Variants in PREX2 observed in about 807,000 individuals in gnomAD.
PREX2 encodes phosphatidylinositol 3,4,5-trisphosphate-dependent Rac exchanger 2 protein.
A neutral mutation model predicts 203.2 loss-of-function variants in PREX2; 107 were observed. That is an observed-to-expected ratio of 0.53 (90% CI 0.45 to 0.62). PREX2 has a LOEUF of 0.62. PREX2 is among the 20% of genes least tolerant of loss of function. The pLI is 0.00. For synonymous variants in PREX2, 672 were observed against 663.6 expected (o/e 1.01, Z -0.19); for missense variants, 1,777 against 1,955.9 (o/e 0.91, Z 1.72).
chr8:68,146,186 T>C (rs1424018584), intron 33 of PREX2, 23 bp from the exon 34 acceptor site: 2 of 1,560,658 alleles, frequency 1.3e-6, no homozygotes, highest in South Asian at 1.1e-5. Context: ...TAGGAAGTAA[T>C]ATACTATTAA....
At chr8:68,120,831 C>A in intron 29 of PREX2, 90 bp from the exon 30 acceptor site, 6 of 1,097,030 alleles carry the variant, frequency 5.5e-6, no homozygotes, top group Non-Finnish European at 7.9e-6. Flanking sequence ...TAGTCTAGGA[C>A]AACAGTGACA....
At chr8:68,153,963 T>C (rs1471375493) in intron 34 of PREX2, among the ~76,000 whole-genome samples, 1 of 152,252 alleles carries the variant, frequency 6.6e-6, no homozygotes, top group African/African-American at 2.4e-5. Flanking sequence ...TATATTAAAT[T>C]ATGTTTACAT....
chr8:67,953,078 G>C (rs1805398405), intron 1 of PREX2, among the ~76,000 whole-genome samples: 6 of 152,104 alleles, frequency 3.9e-5, no homozygotes, highest in Admixed American at 3.9e-4. Context: ...TCTGGTGTAG[G>C]GGTACAGAGA....
Position 68,027,300 on chromosome 8 carries a change from T to A in PREX2, c.520T>A (p.Cys174Ser). The stretch of plus-strand genomic sequence containing the variant: ...TTTAGTAACACCAATACAAAGAATA[T>A]GCAAGTACCCTCTTATTTTGAAGGT... ...GYLVTPIQRI[C>S]KYPLILKELL... is the part of the protein sequence containing the mutation. Residue 174 changes from cysteine to serine, a missense_variant, in exon 5 of 40, where the codon TGC becomes AGC. By Grantham distance (112) the Cys-to-Ser change is moderately radical (BLOSUM62 -1). Coordinates refer to ENST00000288368, the MANE Select transcript of PREX2 (RefSeq NM_024870.4). 6.2e-7 allele frequency: 1 copy of A among 1,603,960 alleles called. No homozygotes were observed. The highest frequency in any genetic ancestry group is 1.1e-5 in the South Asian group (1 of 90,844).
intron 35 of PREX2, among the ~76,000 whole-genome samples, chr8:68,165,785 C>T (rs1359452836): frequency 1.3e-5 from 2 of 152,004 alleles, no homozygotes; most frequent in African/African-American, 2.4e-5. Context: ...CAAAAGATCC[C>T]CAGTTTTGGC....
chr8:68,120,361 C>A, intron 29 of PREX2, 75 bp downstream of exon 29: 2 of 946,572 alleles, frequency 2.1e-6, no homozygotes, highest in Admixed American at 1.8e-5. Flanking sequence ...ATGAAGCAAG[C>A]AGATTGCATA....
At chr8:68,058,987 A>C (rs1049069639) in intron 10 of PREX2, among the ~76,000 whole-genome samples, 4 of 137,368 alleles carry the variant, frequency 2.9e-5, no homozygotes, top group Non-Finnish European at 6.5e-5. Context: ...AGAATAAAAA[A>C]AAATTAACAA....
intron 32 of PREX2, among the ~76,000 whole-genome samples, chr8:68,136,184 T>C (rs1401471858): frequency 6.6e-6 from 1 of 152,164 alleles, no homozygotes; most frequent in African/African-American, 2.4e-5. Context: ...TCTGTGAATA[T>C]AGTAAAACCC....
At chr8:68,228,865 C>G (rs1585878123) in intron 39 of PREX2, among the ~76,000 whole-genome samples, 1 of 148,400 alleles carries the variant, frequency 6.7e-6, no homozygotes, top group African/African-American at 2.5e-5. Context: ...TAGCTTGAGC[C>G]TAGGAGGTTG....
intron 1 of PREX2, among the ~76,000 whole-genome samples, chr8:67,962,972 A>G (rs1011169003): frequency 2.6e-5 from 4 of 152,140 alleles, no homozygotes; most frequent in Non-Finnish European, 5.9e-5. Flanking sequence ...CTTTATCTCA[A>G]GTTTTCTTGT....
intron 31 of PREX2, 71 bp from the exon 32 acceptor site, chr8:68,133,988 A>G (rs1388645565): frequency 9.2e-6 from 11 of 1,194,990 alleles, no homozygotes; most frequent in Non-Finnish European, 1.1e-5. Flanking sequence ...GTGAATGTAG[A>G]TGCTGAACGC....
intron 2 of PREX2, among the ~76,000 whole-genome samples, chr8:68,018,685 G>A (rs1290808597): frequency 6.6e-6 from 1 of 151,300 alleles, no homozygotes; most frequent in Non-Finnish European, 1.5e-5. Flanking sequence ...ACATATAATC[G>A]TTTCTTTTAA....
At chr8:67,966,458 T>C (rs1249665777) in intron 1 of PREX2, among the ~76,000 whole-genome samples, 1 of 151,128 alleles carries the variant, frequency 6.6e-6, no homozygotes, top group Non-Finnish European at 1.5e-5. Context: ...AATACAGAAC[T>C]AAAAAATCTG....
At chr8:68,100,773 G>T (rs1563545662) in intron 23 of PREX2, among the ~76,000 whole-genome samples, 2 of 152,166 alleles carry the variant, frequency 1.3e-5, no homozygotes, top group African/African-American at 4.8e-5. Context: ...CAGTTGGAAG[G>T]TTTTAAGCAG....
chr8:68,224,438 A>T, intron 38 of PREX2, 121 bp from the exon 39 acceptor site: 4 of 741,184 alleles, frequency 5.4e-6, no homozygotes, highest in Non-Finnish European at 9.3e-6. Flanking sequence ...TCTTTCTCTT[A>T]GCTAATCTCC....
intron 34 of PREX2, among the ~76,000 whole-genome samples, chr8:68,156,069 G>C (rs1811538389): frequency 6.6e-6 from 1 of 150,874 alleles, no homozygotes; most frequent in African/African-American, 2.5e-5. Context: ...TGTTGTTACT[G>C]TTGTTTTAGA....
chr8:68,143,618 C>A lies in PREX2; in HGVS notation c.4088-2591C>A, dbSNP rs1400836375. 2.0e-5 allele frequency among the ~76,000 whole-genome samples: 3 copies of A among 152,108 alleles called. No homozygotes were observed. In the East Asian group the frequency reaches 5.8e-4, roughly 29 times the overall value. On this transcript the variant is annotated intron_variant, in intron 33 of 39. Coordinates refer to ENST00000288368, the MANE Select transcript of PREX2 (RefSeq NM_024870.4). ...CAGTTTTTATCAGATGTGTCTTTTGCAAATATTTTCTCCCAGTCTGTTGCT... is the reference window on the plus strand; with the variant it reads ...CAGTTTTTATCAGATGTGTCTTTTGAAAATATTTTCTCCCAGTCTGTTGCT...
chr8:68,035,920 C>A (rs1401283879), intron 6 of PREX2, among the ~76,000 whole-genome samples: 1 of 152,084 alleles, frequency 6.6e-6, no homozygotes, highest in Non-Finnish European at 1.5e-5. Context: ...TGCGGCATAA[C>A]CATGAATTCT....
chr8:68,091,403 G>A (rs912430811), intron 20 of PREX2, among the ~76,000 whole-genome samples: 11 of 152,202 alleles, frequency 7.2e-5, no homozygotes, highest in African/African-American at 2.4e-4. Flanking sequence ...CTCCTGCAAT[G>A]TAATTAGCTA....
Sources: allele counts gnomAD v4.1 joint callset (sites outside exome capture counted in the v4.1 genomes callset), GRCh38; gene constraint gnomAD v4.1.1; transcripts MANE v1.5; gene names NCBI Gene and HGNC (gene_info 2026-07-23, HGNC 2026-07-21).